The following RNF213 variants were observed in gnomAD, a reference collection of about 807,000 sequenced individuals.
RNF213 encodes ring finger protein 213.
Under a neutral mutation model 514.4 loss-of-function variants are expected in RNF213, and 341 were observed. That is an observed-to-expected ratio of 0.66 (90% CI 0.61 to 0.73). RNF213 has a LOEUF of 0.73. RNF213 is among the 30% of genes least tolerant of loss of function. RNF213 has a pLI of 0.00. For missense variants in RNF213, 5,767 were observed against 6,615.6 expected, an observed-to-expected ratio of 0.87 and a Z score of 4.45; for synonymous variants, 2,655 against 2,658.2, an observed-to-expected ratio of 1.00 and a Z score of 0.04.
intron 14 of RNF213, among the ~76,000 whole-genome samples, chr17:80,311,296 T>A (rs1266244880): frequency 6.6e-6 from 1 of 152,172 alleles, no homozygotes; most frequent in Non-Finnish European, 1.5e-5. Context: ...CTGTGAAGGC[T>A]CCAGGGTTGA....
At chr17:80,331,224 T>C (rs1396569738) in intron 20 of RNF213, among the ~76,000 whole-genome samples, 3 of 152,140 alleles carry the variant, frequency 2.0e-5, no homozygotes, top group Non-Finnish European at 4.4e-5. Context: ...GGGAATCCTG[T>C]GACATAAAAC....
rs777633223 is a variant in RNF213, at chr17:80,361,862, C to T, written c.11329C>T (p.Arg3777Cys). The T allele has an allele frequency of 1.2e-5, 19 of 1,613,078 alleles. No individual in the cohort carries two copies. The highest frequency in any genetic ancestry group is 1.0e-4 in the Admixed American group (6 of 59,980). ...GAAGGATTTCATTCTCTTGACCATG[C>T]GTGTGTCAACGGAGGAGGAATTAAA... is the stretch of plus-strand genomic sequence containing the variant. ...YLKDFILLTM[R>C]VSTEEELKFL... Residue 3777 changes from arginine to cysteine, a missense_variant, in exon 39 of 68, where the codon CGT becomes TGT. Coordinates refer to ENST00000582970, the MANE Select transcript of RNF213 (RefSeq NM_001256071.3).
intron 57 of RNF213, 145 bp downstream of exon 57, chr17:80,381,872 A>T: frequency 1.2e-6 from 1 of 826,326 alleles, no homozygotes; most frequent in Non-Finnish European, 1.9e-6. Flanking sequence ...ACACACAGAG[A>T]GAAAACCGTG....
chr17:80,363,016 T>G, intron 39 of RNF213, 86 bp from the exon 40 acceptor site: 1 of 1,279,946 alleles, frequency 7.8e-7, no homozygotes, highest in South Asian at 1.3e-5. Context: ...TCTTTTATGG[T>G]TTTCCAATAG....
Position 80,340,281 on chromosome 17 carries a change from C to A in RNF213, c.5914C>A (p.Gln1972Lys), listed in dbSNP as rs931017135. 1.2e-6 allele frequency: 2 copies of A among 1,614,074 alleles called. No homozygotes were observed. The highest frequency in any genetic ancestry group is 1.7e-6 in the Non-Finnish European group (2 of 1,180,024). Residue 1972 changes from glutamine to lysine, a missense_variant, in exon 26 of 68, where the codon CAG (glutamine) becomes AAG (lysine). Coordinates refer to ENST00000582970, the MANE Select transcript of RNF213 (RefSeq NM_001256071.3). ...GGCAGGTCACTACCGGGTCCCGAAGCAGACCCTGTCGGCGGCAGCCGTGTT... is the reference window on the plus strand; with the variant it reads ...GGCAGGTCACTACCGGGTCCCGAAGAAGACCCTGTCGGCGGCAGCCGTGTT... ...YLAGHYRVPK[Q>K]TLSAAAVFND...
chr17:80,315,129 C>A (rs1234585218), intron 15 of RNF213, among the ~76,000 whole-genome samples: 1 of 6,922 alleles, frequency 1.4e-4, no homozygotes, highest in East Asian at 7.8e-3. Context: ...GGTGGAGGTA[C>A]TGGAGGTGAT....
At chr17:80,280,960 C>T (rs912420548) in intron 3 of RNF213, among the ~76,000 whole-genome samples, 4 of 151,858 alleles carry the variant, frequency 2.6e-5, no homozygotes, top group South Asian at 2.1e-4. Context: ...ACTGCATATG[C>T]GGACCGGAGC....
intron 55 of RNF213, 51 bp downstream of exon 55, chr17:80,379,765 G>C (rs763498811): frequency 1.3e-6 from 2 of 1,491,464 alleles, no homozygotes; most frequent in Non-Finnish European, 1.9e-6. Context: ...TGGGGTGTTG[G>C]GCTGTTTTTA....
chr17:80,309,691 C>T (rs554526411), intron 14 of RNF213, among the ~76,000 whole-genome samples: 282 of 152,126 alleles, frequency 1.9e-3, no homozygotes, highest in Non-Finnish European at 3.1e-3. Context: ...CAGGATGACC[C>T]GGCTCCTCCG....
intron 3 of RNF213, among the ~76,000 whole-genome samples, chr17:80,281,653 C>T (rs2044305766): frequency 6.6e-6 from 1 of 151,472 alleles, no homozygotes; most frequent in African/African-American, 2.4e-5. Flanking sequence ...CCCACTCACC[C>T]CACTCACACA....
At chr17:80,298,174 C>T (rs950209348) in intron 10 of RNF213, 147 bp from the exon 11 acceptor site, 2 of 787,578 alleles carry the variant, frequency 2.5e-6, no homozygotes, top group African/African-American at 3.4e-5. Flanking sequence ...AGCCCTGTCT[C>T]CTGCGTGAGT....
intron 42 of RNF213, 34 bp from the exon 43 acceptor site, chr17:80,367,714 C>A (rs372309318): frequency 1.9e-5 from 30 of 1,582,144 alleles, no homozygotes; most frequent in South Asian, 1.5e-4. Context: ...AGCCCTCCCC[C>A]CTGCTAATGA....
chr17:80,393,177 C>T (rs773491415), intron 67 of RNF213, among the ~76,000 whole-genome samples, 168 bp from the exon 68 acceptor site: 3 of 151,992 alleles, frequency 2.0e-5, no homozygotes, highest in South Asian at 2.1e-4. Flanking sequence ...GACAGGGTTT[C>T]GCCATGTTGC....
At chr17:80,281,505 A>AACACACACACATCCGACTCACACCACT (rs2044283979) in intron 3 of RNF213, among the ~76,000 whole-genome samples, 1 of 113,210 alleles carries the variant, frequency 8.8e-6, no homozygotes, top group Non-Finnish European at 1.8e-5. Flanking sequence ...CCCCACTCAC[A>AACACACACACATCCGACTCACACCACT]CACACACCCC....
chr17:80,334,901 C>T (rs1425128101), intron 22 of RNF213, among the ~76,000 whole-genome samples: 3 of 150,292 alleles, frequency 2.0e-5, no homozygotes, highest in African/African-American at 4.9e-5. Flanking sequence ...GCTGGGATTA[C>T]AGGCATGAGC....
Position 80,263,493 on chromosome 17 carries a change from G to GGGGCTGGGCTT in RNF213, c.-108-74_-108-64dup, listed in dbSNP as rs1407549613. ...CCAAGGGGGCAGCACAGAGCGGGGAGGGGCTGGGCTTGGGCTGTGCTCCTG... is the reference window on the plus strand; with the variant it reads ...CCAAGGGGGCAGCACAGAGCGGGGAGGGGCTGGGCTTGGGCTGGGCTTGGGCTGTGCTCCTG... On this transcript the variant is annotated intron_variant, in intron 1 of 67. Coordinates refer to ENST00000582970, the MANE Select transcript of RNF213 (RefSeq NM_001256071.3). This position sits in a 1 kb window ranked among gnomAD's most constrained non-coding sequence, Gnocchi z 4.9. 1.6e-5 allele frequency: 10 copies of GGGGCTGGGCTT among 631,470 alleles called. No individual in the cohort carries two copies. In the East Asian group the frequency reaches 2.5e-4, roughly 16 times the overall value. 39.1% of individuals were successfully genotyped at this position (631,470 alleles called of 1,614,324 possible).
rs1031317617 is a variant in RNF213, at chr17:80,398,575, A to G, written c.*5077A>G. On this transcript the variant is annotated 3_prime_UTR_variant, in exon 68 of 68. Coordinates refer to ENST00000582970, the MANE Select transcript of RNF213 (RefSeq NM_001256071.3). ...CCCACACCAGTTCCCGTACACAGAC[A>G]CTTGGTTACAGCTGGTTTTAGACTC... The G allele has an allele frequency of 1.3e-5, 2 of 152,142 alleles. No homozygotes were observed. The highest frequency in any genetic ancestry group is 2.9e-5 in the Non-Finnish European group (2 of 68,064). The allele number at this position is 152,142 out of a possible 1,614,324, so 9.4% of individuals were successfully genotyped here.
chr17:80,298,340 A>T lies in RNF213; in HGVS notation c.2032A>T (p.Asn678Tyr). 6.2e-7 allele frequency: 1 copy of T among 1,614,122 alleles called. No individual in the cohort carries two copies. The highest frequency in any genetic ancestry group is 8.5e-7 in the Non-Finnish European group (1 of 1,180,036). ...TTCCAGCTGGCGGCTGTACCTGGTGAACCTGTGCCAAAGATGCATGGACAC... is the reference window on the plus strand; with the variant it reads ...TTCCAGCTGGCGGCTGTACCTGGTGTACCTGTGCCAAAGATGCATGGACAC... ...IPQSWRLYLV[N>Y]LCQRCMDTRT... The change falls in exon 11 of 68, where the codon AAC becomes TAC. Residue 678 changes from asparagine to tyrosine, a missense_variant. This residue lies in a region of RNF213 where 592 missense variants were observed against 673.9 expected (regional missense o/e 0.88). Coordinates refer to ENST00000582970, the MANE Select transcript of RNF213 (RefSeq NM_001256071.3).
intron 42 of RNF213, among the ~76,000 whole-genome samples, chr17:80,366,277 G>A (rs2079269745): frequency 6.6e-6 from 1 of 152,180 alleles, no homozygotes; most frequent in Non-Finnish European, 1.5e-5. Context: ...GGGAATTCCT[G>A]GATCATTTGA....
Sources: allele counts gnomAD v4.1 joint callset (sites outside exome capture counted in the v4.1 genomes callset), GRCh38; gene constraint gnomAD v4.1.1; regional missense constraint gnomAD v4.1.1; non-coding constraint Gnocchi (gnomAD v3.1); transcripts MANE v1.5; gene names NCBI Gene and HGNC (gene_info 2026-07-23, HGNC 2026-07-21).